Variants in LRBA observed in about 807,000 individuals in gnomAD.
LRBA encodes the protein LPS responsive beige-like anchor protein.
In LRBA, 176 loss-of-function variants were observed where a neutral mutation model predicts 330.0. That is an observed-to-expected ratio of 0.53 (90% CI 0.47 to 0.60). LRBA has a LOEUF of 0.60. LRBA is among the 20% of genes least tolerant of loss of function. The pLI, the probability that LRBA is intolerant of heterozygous loss-of-function variation, is 0.00. For synonymous variants in LRBA, 1,230 were observed against 1,193.0 expected, an observed-to-expected ratio of 1.03 and a Z score of -0.64; for missense variants, 3,259 against 3,444.8, an observed-to-expected ratio of 0.95 and a Z score of 1.35.
At chr4:150,933,699 CA>C (rs59250810) in intron 2 of LRBA, among the ~76,000 whole-genome samples, 106,822 of 151,750 alleles carry the variant, frequency 0.7, 43,356 homozygotes, top group Non-Finnish European at 0.91. Flanking sequence ...TTACTTATTT[CA>C]AAAAAAACAA....
intron 2 of LRBA, among the ~76,000 whole-genome samples, chr4:150,955,104 G>A (rs1390378118): frequency 2.7e-5 from 4 of 148,460 alleles, no homozygotes; most frequent in Admixed American, 2.6e-4. Context: ...GTGAAACCCT[G>A]TCTCTACAAA....
intron 40 of LRBA, chr4:150,579,062 G>C: frequency 2.9e-6 from 1 of 347,710 alleles, no homozygotes; most frequent in South Asian, 2.3e-5. Context: ...AGAGAATACA[G>C]ATGAATCGGT....
chr4:150,983,862 A>C (rs997201250), intron 2 of LRBA, among the ~76,000 whole-genome samples: 21 of 152,128 alleles, frequency 1.4e-4, no homozygotes, highest in African/African-American at 5.1e-4. Flanking sequence ...GTAAAAGAAG[A>C]GTTGTATGGT....
At chr4:150,280,349 G>T (rs1205778462) in intron 55 of LRBA, among the ~76,000 whole-genome samples, 1 of 152,168 alleles carries the variant, frequency 6.6e-6, no homozygotes, top group African/African-American at 2.4e-5. Context: ...GTTTTAAGGA[G>T]GTAGTAGCAG....
chr4:150,690,459 C>T (rs368952432), intron 36 of LRBA, among the ~76,000 whole-genome samples: 4 of 148,448 alleles, frequency 2.7e-5, no homozygotes, highest in Admixed American at 6.8e-5. Flanking sequence ...GCCGAGATCA[C>T]GCCACTGCAC....
chr4:150,838,712 T>A (rs528939514), intron 28 of LRBA, among the ~76,000 whole-genome samples: 15 of 152,290 alleles, frequency 9.8e-5, no homozygotes, highest in African/African-American at 3.6e-4. Flanking sequence ...TTCAAGGTTT[T>A]CATAGCTTCT....
intron 14 of LRBA, among the ~76,000 whole-genome samples, chr4:150,898,480 C>T (rs919823142): frequency 6.6e-6 from 1 of 152,008 alleles, no homozygotes; most frequent in Admixed American, 6.6e-5. Flanking sequence ...TTCTAAGATC[C>T]TAAGTTAGGG....
At chr4:150,571,716 T>C (rs923152218) in intron 40 of LRBA, among the ~76,000 whole-genome samples, 1 of 147,526 alleles carries the variant, frequency 6.8e-6, no homozygotes, top group Non-Finnish European at 1.5e-5. Flanking sequence ...AGTGATTCAT[T>C]TGGCCAAGCA....
At chr4:150,615,828 T>G (rs1260636035) in intron 37 of LRBA, among the ~76,000 whole-genome samples, 1 of 151,976 alleles carries the variant, frequency 6.6e-6, no homozygotes, top group East Asian at 1.9e-4. Flanking sequence ...GCCAGTGACA[T>G]GCAAGCAGAA....
At chr4:150,793,164 G>A (rs140251199) in intron 34 of LRBA, among the ~76,000 whole-genome samples, 513 of 152,128 alleles carry the variant, frequency 3.4e-3, no homozygotes, top group African/African-American at 0.011. Flanking sequence ...AATTAGCCAT[G>A]TATGCTGGCA....
At chr4:150,618,961 T>C (rs1368625981) in intron 37 of LRBA, among the ~76,000 whole-genome samples, 1 of 151,678 alleles carries the variant, frequency 6.6e-6, no homozygotes, top group African/African-American at 2.4e-5. Context: ...GAAATAATCA[T>C]GTTAGAGAGA....
At position 150,637,294 on chromosome 4, in the gene LRBA, C is replaced by G. The variant is rs184340223; in HGVS notation, c.5922-38163G>C. 4.1e-4 allele frequency among the ~76,000 whole-genome samples: 62 copies of G among 152,238 alleles called. 1 individual carries two copies. Among genetic ancestry groups the G allele is most frequent in the South Asian group, 6.2e-4 (3 of 4,822 alleles). ...ATCTGTTCTGTTCCATTGATCTATACAGCTATCCTATACTAATAGCATGGT... is the reference window on the plus strand; with the variant it reads ...ATCTGTTCTGTTCCATTGATCTATAGAGCTATCCTATACTAATAGCATGGT... On this transcript the variant is annotated intron_variant, in intron 37 of 56. Coordinates refer to ENST00000651943, the MANE Select transcript of LRBA (RefSeq NM_001364905.1).
intron 35 of LRBA, among the ~76,000 whole-genome samples, chr4:150,758,245 T>C (rs1446832377): frequency 2.6e-5 from 4 of 152,206 alleles, no homozygotes; most frequent in Non-Finnish European, 4.4e-5. Flanking sequence ...GACATTATTA[T>C]ACTAGACAGT....
chr4:150,455,795 C>T (rs570773958), intron 44 of LRBA, among the ~76,000 whole-genome samples: 11 of 152,068 alleles, frequency 7.2e-5, no homozygotes, highest in Admixed American at 7.2e-4. Flanking sequence ...TTAATCATCC[C>T]TACCTATACT....
Position 150,871,535 on chromosome 4 carries a change from A to G in LRBA, c.2259-82T>C, listed in dbSNP as rs75637496. 6.8e-4 allele frequency: 533 copies of G among 785,520 alleles called. 3 individuals are homozygous for G. In the East Asian group the frequency reaches 0.012, roughly 17 times the overall value. The allele number at this position is 785,520 out of a possible 1,614,324, so 48.7% of individuals were successfully genotyped here. On this transcript the variant is annotated intron_variant, in intron 18 of 56. Coordinates refer to ENST00000651943, the MANE Select transcript of LRBA (RefSeq NM_001364905.1). ...TATGCATGCTGGATGAAGGAAACACAAAATACTTTTTCACATTACAAACAA... is the reference window on the plus strand; with the variant it reads ...TATGCATGCTGGATGAAGGAAACACGAAATACTTTTTCACATTACAAACAA...
chr4:150,735,204 T>C, intron 36 of LRBA, 54 bp downstream of exon 36: 1 of 1,267,072 alleles, frequency 7.9e-7, no homozygotes, highest in South Asian at 1.2e-5. Context: ...CAATTTCTCA[T>C]GATTATCATT....
intron 32 of LRBA, 83 bp downstream of exon 32, chr4:150,808,237 G>T: frequency 1.2e-6 from 1 of 839,692 alleles, no homozygotes; most frequent in Non-Finnish European, 2.0e-6. Context: ...GAAATGAAAT[G>T]AAACGAAGTA....
At chr4:150,333,663 T>A (rs941124587) in intron 48 of LRBA, among the ~76,000 whole-genome samples, 1 of 152,200 alleles carries the variant, frequency 6.6e-6, no homozygotes, top group Non-Finnish European at 1.5e-5. Flanking sequence ...ACTTAAATTG[T>A]AGAACACTTG....
At chr4:150,809,592 C>T (rs906850236) in intron 31 of LRBA, among the ~76,000 whole-genome samples, 10 of 152,112 alleles carry the variant, frequency 6.6e-5, no homozygotes, top group Non-Finnish European at 1.0e-4. Flanking sequence ...CAGTGGCTCA[C>T]GCCAGTAATC....
Sources: allele counts gnomAD v4.1 joint callset (sites outside exome capture counted in the v4.1 genomes callset), GRCh38; gene constraint gnomAD v4.1.1; transcripts MANE v1.5; gene names NCBI Gene and HGNC (gene_info 2026-07-23, HGNC 2026-07-21).